Variants in PRKG1 observed in about 807,000 individuals in gnomAD.
The protein encoded by PRKG1 is cGMP-dependent protein kinase 1.
Under a neutral mutation model 88.1 loss-of-function variants are expected in PRKG1, and 35 were observed. The observed-to-expected ratio is 0.40, with a 90% CI of 0.30 to 0.53. The LOEUF (loss-of-function observed/expected upper bound fraction) is 0.53, where lower values mean the gene tolerates loss of function less well. Ranked by LOEUF, PRKG1 falls within the 20% of genes least tolerant of loss-of-function variation. PRKG1 has a pLI of 0.59. For synonymous variants in PRKG1, 303 were observed against 292.5 expected, an observed-to-expected ratio of 1.04 and a Z score of -0.37; for missense variants, 540 against 839.8, an observed-to-expected ratio of 0.64 and a Z score of 4.41.
At chr10:52,223,149 C>T (rs574544217) in intron 9 of PRKG1, among the ~76,000 whole-genome samples, 1 of 152,280 alleles carries the variant, frequency 6.6e-6, no homozygotes, top group African/African-American at 2.4e-5. Flanking sequence ...CTCCATATCC[C>T]TGCTTTGACT....
intron 1 of PRKG1, among the ~76,000 whole-genome samples, chr10:51,107,537 A>T (rs1222286322): frequency 1.3e-5 from 2 of 152,092 alleles, no homozygotes; most frequent in Non-Finnish European, 2.9e-5. Context: ...CTTTGATAGG[A>T]TCAATAAAAC....
rs148509058 is a variant in PRKG1 at position 52,225,063 on chromosome 10, G to A, written c.1077-26507G>A. On this transcript the variant is annotated intron_variant, in intron 9 of 17. Transcript: ENST00000373980. ...TAGTTCTTTAAGGAATCTCCACCCT[G>A]TTTTCCATAGTGGCCGTACTAGTCT... 5.3e-3 allele frequency among the ~76,000 whole-genome samples: 809 copies of A among 152,040 alleles called. 5 individuals carry two copies. Among genetic ancestry groups the A allele is most frequent in the African/African-American group, 0.018 (766 of 41,462 alleles).
At chr10:51,687,788 ACTT>A (rs2132384413) in intron 3 of PRKG1, among the ~76,000 whole-genome samples, 1 of 152,288 alleles carries the variant, frequency 6.6e-6, no homozygotes, top group South Asian at 2.1e-4. Flanking sequence ...ATTCAATACA[ACTT>A]CTTCTCCATA....
At chr10:51,259,764 C>A (rs2132156754) in intron 2 of PRKG1, among the ~76,000 whole-genome samples, 1 of 152,304 alleles carries the variant, frequency 6.6e-6, no homozygotes, top group South Asian at 2.1e-4. Context: ...GCATGAGCCA[C>A]CGCGCCTGGC....
chr10:52,091,891 A>G (rs934707696), intron 7 of PRKG1, among the ~76,000 whole-genome samples: 3 of 152,226 alleles, frequency 2.0e-5, no homozygotes, highest in Non-Finnish European at 4.4e-5. Flanking sequence ...CAAATGTACA[A>G]TAATCATCTT....
At chr10:52,188,257 T>C (rs373726834) in intron 9 of PRKG1, among the ~76,000 whole-genome samples, 514 of 11,718 alleles carry the variant, frequency 0.044, 2 homozygotes, top group Middle Eastern at 0.12. Context: ...TATGTGTATA[T>C]ATATACATAT....
chr10:51,545,065 G>A (rs1312369683), intron 3 of PRKG1, among the ~76,000 whole-genome samples: 2 of 150,490 alleles, frequency 1.3e-5, no homozygotes, highest in African/African-American at 4.9e-5. Flanking sequence ...TGTATTTTCT[G>A]TTGCCAGATG....
At chr10:51,585,335 T>G (rs1033388423) in intron 3 of PRKG1, among the ~76,000 whole-genome samples, 1 of 152,120 alleles carries the variant, frequency 6.6e-6, no homozygotes, top group East Asian at 1.9e-4. Context: ...TGATTCTGGT[T>G]GCTAAAATAT....
At chr10:52,055,260 C>T (rs899167318) in intron 6 of PRKG1, among the ~76,000 whole-genome samples, 5 of 152,160 alleles carry the variant, frequency 3.3e-5, no homozygotes, top group African/African-American at 7.2e-5. Context: ...AATCCTGTTA[C>T]GAAATTTAGT....
At chr10:51,103,279 G>C (rs1044785655) in intron 1 of PRKG1, among the ~76,000 whole-genome samples, 1 of 152,154 alleles carries the variant, frequency 6.6e-6, no homozygotes, top group Non-Finnish European at 1.5e-5. Context: ...TAAAGGCCCA[G>C]TAAGGGCCCA....
At chr10:51,612,953 G>C (rs546083738) in intron 3 of PRKG1, among the ~76,000 whole-genome samples, 1 of 151,756 alleles carries the variant, frequency 6.6e-6, no homozygotes, top group Non-Finnish European at 1.5e-5. Context: ...CCATCCTTGC[G>C]TACCTGGTAT....
At chr10:51,047,262 TCC>T (rs1407397185) in intron 1 of PRKG1, among the ~76,000 whole-genome samples, 1 of 152,190 alleles carries the variant, frequency 6.6e-6, no homozygotes, top group Non-Finnish European at 1.5e-5. Context: ...AGGGATTGAA[TCC>T]CAATTCTACC....
intron 2 of PRKG1, among the ~76,000 whole-genome samples, chr10:51,216,831 T>C (rs1367011590): frequency 6.6e-6 from 1 of 152,138 alleles, no homozygotes; most frequent in Admixed American, 6.6e-5. Flanking sequence ...AAAAAGTATA[T>C]TTGGTAGTAA....
intron 1 of PRKG1, among the ~76,000 whole-genome samples, chr10:51,001,204 C>T (rs956483195): frequency 1.3e-5 from 2 of 152,204 alleles, no homozygotes; most frequent in African/African-American, 2.4e-5. Flanking sequence ...CTGGGGCACC[C>T]ACTTCCATCC....
chr10:51,039,306 T>C (rs1843391236), intron 1 of PRKG1, among the ~76,000 whole-genome samples: 1 of 152,194 alleles, frequency 6.6e-6, no homozygotes, highest in Non-Finnish European at 1.5e-5. Context: ...CTCATTGTAG[T>C]TTTGATTTGC....
At chr10:51,932,976 G>C (rs1842726569) in intron 5 of PRKG1, among the ~76,000 whole-genome samples, 1 of 152,044 alleles carries the variant, frequency 6.6e-6, no homozygotes, top group Non-Finnish European at 1.5e-5. Flanking sequence ...TTGTGTCTTG[G>C]CTACATGACT....
chr10:52,134,383 C>T (rs1837347506), intron 8 of PRKG1, among the ~76,000 whole-genome samples: 1 of 152,036 alleles, frequency 6.6e-6, no homozygotes, highest in South Asian at 2.1e-4. Context: ...AGGGAAGAAA[C>T]TTTTGAAGAA....
At chr10:52,078,118 G>T (rs907004392) in intron 7 of PRKG1, among the ~76,000 whole-genome samples, 1 of 152,192 alleles carries the variant, frequency 6.6e-6, no homozygotes, top group African/African-American at 2.4e-5. Flanking sequence ...CACACATTCT[G>T]TAAGAAGAAT....
chr10:51,299,742 G>C, intron 2 of PRKG1: 1 of 387,034 alleles, frequency 2.6e-6, no homozygotes, highest in Non-Finnish European at 4.9e-6. Flanking sequence ...GCCTCTCAAT[G>C]ACATTATAAG....
Sources: allele counts gnomAD v4.1 joint callset (sites outside exome capture counted in the v4.1 genomes callset), GRCh38; gene constraint gnomAD v4.1.1; transcripts MANE v1.5; gene names NCBI Gene and HGNC (gene_info 2026-07-23, HGNC 2026-07-21).